TMEM255A: variants seen among roughly 807,000 people sequenced by gnomAD.
TMEM255A encodes the protein family with sequence similarity 70, member A.
Under a neutral mutation model 23.5 loss-of-function variants are expected in TMEM255A, and 14 were observed. The observed-to-expected ratio is 0.60, with a 90% confidence interval of 0.39 to 0.93. TMEM255A has a LOEUF of 0.93. Among genes scored for constraint, TMEM255A ranks in the 40% least tolerant of loss-of-function variants. TMEM255A has a pLI of 0.00. For synonymous variants in TMEM255A, 104 were observed against 100.3 expected, an observed-to-expected ratio of 1.04 and a Z score of -0.22; for missense variants, 233 against 261.7, an observed-to-expected ratio of 0.89 and a Z score of 0.76.
chrX:120,302,987 T>C (rs1475644557), intron 2 of TMEM255A, among the ~76,000 whole-genome samples: 3 of 111,765 alleles, frequency 2.7e-5, no homozygotes, highest in Non-Finnish European at 5.6e-5. Flanking sequence ...TTTGCTGTAC[T>C]AAAATATTTC....
At chrX:120,289,279 C>T (rs1246779866) in intron 4 of TMEM255A, among the ~76,000 whole-genome samples, 1 of 111,986 alleles carries the variant, frequency 8.9e-6, no homozygotes, top group Non-Finnish European at 1.9e-5. Context: ...CCCCCAAATA[C>T]TTGAGTCAAA....
rs1287204605 is a variant in TMEM255A at position 120,259,987 on chromosome X, T to C, written c.*883A>G. ...GGGGTTAAGCACAATATTTGAAGAT[T>C]AAATAGTCACAAAGATTAGTAACAA... On this transcript the variant is annotated 3_prime_UTR_variant, in exon 9 of 9. Coordinates refer to ENST00000371369, the MANE Select transcript of TMEM255A (RefSeq NM_001104544.3). 3.5e-6 allele frequency: 1 copy of C among 282,820 alleles called. No homozygotes were observed. The highest frequency in any genetic ancestry group is 4.8e-6 in the Non-Finnish European group (1 of 209,864). 23.3% of individuals were successfully genotyped at this position (282,820 alleles called of 1,213,427 possible).
chrX:120,268,064 T>C (rs782149612), intron 8 of TMEM255A, among the ~76,000 whole-genome samples, 180 bp downstream of exon 8: 239 of 111,566 alleles, frequency 2.1e-3, no homozygotes, highest in Non-Finnish European at 3.0e-3. Flanking sequence ...TCTGCCATCG[T>C]TGCCTGCCTA....
chrX:120,294,110 C>A, intron 2 of TMEM255A, 59 bp from the exon 3 acceptor site: 4 of 893,408 alleles, frequency 4.5e-6, no homozygotes, highest in Non-Finnish European at 6.4e-6. Flanking sequence ...ACCACACAAT[C>A]ATTCCAGCCC....
At chrX:120,257,795 C>G (rs1460999923), downstream of TMEM255A, 1 of 122,966 alleles carries the variant, frequency 8.1e-6, no homozygotes, top group East Asian at 2.8e-4. Flanking sequence ...GATTGGAAAT[C>G]TGTAGCAAGA....
In TMEM255A at chrX:120,304,427, C is replaced by T. The variant is rs1317641754; in HGVS notation, c.123G>A (p.Val41=). The T allele has an allele frequency of 1.7e-6, 2 of 1,210,548 alleles. No homozygotes were observed. Among genetic ancestry groups the T allele is most frequent in the African/African-American group, 1.7e-5 (1 of 57,745 alleles). The part of the protein sequence containing the change: ...YVTVTLLIVS[V]LILTVGLAAT... The stretch of plus-strand genomic sequence containing the variant: ...CAGCAAGGCCCACTGTGAGAATTAA[C>T]ACGGACACAATAAGCAAAGTCACGG... The change falls in exon 2 of 9, where the codon GTG becomes GTA. Residue 41 remains valine, a synonymous_variant. Transcript: ENST00000371369.
At chrX:120,305,719 G>A (rs1377118547) in intron 1 of TMEM255A, among the ~76,000 whole-genome samples, 1 of 110,956 alleles carries the variant, frequency 9.0e-6, no homozygotes, top group African/African-American at 3.3e-5. Flanking sequence ...GAAGGGGGAC[G>A]AGGTCAAGGA....
At chrX:120,268,409 A>C (rs41300936) in intron 7 of TMEM255A, 22 bp from the exon 8 acceptor site, 490,671 of 1,161,211 alleles carry the variant, frequency 0.42, 71,596 homozygotes, top group East Asian at 0.56. Flanking sequence ...CACAAATTAG[A>C]AACAACATAA....
At chrX:120,267,280 G>T (rs2057724158) in intron 8 of TMEM255A, among the ~76,000 whole-genome samples, 1 of 111,964 alleles carries the variant, frequency 8.9e-6, no homozygotes, top group Non-Finnish European at 1.9e-5. Context: ...TTGAAATTAG[G>T]TTGCCCAAGG....
chrX:120,301,410 G>A (rs1205165630), intron 2 of TMEM255A, among the ~76,000 whole-genome samples: 1 of 112,078 alleles, frequency 8.9e-6, no homozygotes, highest in Non-Finnish European at 1.9e-5. Context: ...TAAATAAGCT[G>A]AAACTTTTTC....
At chrX:120,265,448 G>T (rs782672330) in intron 8 of TMEM255A, among the ~76,000 whole-genome samples, 3 of 112,232 alleles carry the variant, frequency 2.7e-5, no homozygotes, top group Admixed American at 9.4e-5. Flanking sequence ...AGGAATGCAT[G>T]AAGGAAGGGA....
In TMEM255A at chrX:120,306,788, T is replaced by C. The variant is rs782131030; in HGVS notation, c.59-2297A>G. ...ACAGCTCTTGGGTCTTCTTTGCAAA[T>C]ATCACTCTAACTTTTAAAAGCGCAG... On this transcript the variant is annotated intron_variant, in intron 1 of 8. Transcript: ENST00000371369. 1.4e-4 allele frequency among the ~76,000 whole-genome samples: 16 copies of C among 112,215 alleles called. No homozygotes were observed. The South Asian group carries it at 2.2e-3, about 16-fold the overall frequency.
intron 7 of TMEM255A, among the ~76,000 whole-genome samples, chrX:120,275,191 G>A (rs782306265): frequency 7.1e-5 from 8 of 112,191 alleles, no homozygotes; most frequent in Non-Finnish European, 1.5e-4. Flanking sequence ...TCCCTCCTGG[G>A]GCTCCACCTT....
At chrX:120,271,106 C>T (rs1379325793) in intron 7 of TMEM255A, among the ~76,000 whole-genome samples, 1 of 111,460 alleles carries the variant, frequency 9.0e-6, no homozygotes, top group Non-Finnish European at 1.9e-5. Flanking sequence ...TGATAATGCT[C>T]GGTACTTCCC....
intron 6 of TMEM255A, among the ~76,000 whole-genome samples, 167 bp downstream of exon 6, chrX:120,284,960 T>A (rs782444353): frequency 8.9e-6 from 1 of 112,343 alleles, no homozygotes; most frequent in Non-Finnish European, 1.9e-5. Flanking sequence ...GTACCTAGCA[T>A]GATGCCTGGC....
At chrX:120,275,049 C>G (rs2057786903) in intron 7 of TMEM255A, among the ~76,000 whole-genome samples, 1 of 112,670 alleles carries the variant, frequency 8.9e-6, no homozygotes, top group African/African-American at 3.2e-5. Flanking sequence ...GTACTTTCAT[C>G]TGCCCCCTGG....
intron 2 of TMEM255A, among the ~76,000 whole-genome samples, chrX:120,301,110 G>A (rs782549159): frequency 9.0e-6 from 1 of 111,195 alleles, no homozygotes; most frequent in South Asian, 3.8e-4. Context: ...CTCTTAGAAC[G>A]ATGATACCAC....
At chrX:120,291,171 G>A (rs1556022836) in intron 4 of TMEM255A, 80 bp downstream of exon 4, 1 of 782,414 alleles carries the variant, frequency 1.3e-6, no homozygotes, top group East Asian at 3.4e-5. Flanking sequence ...ACTAAGCAAA[G>A]GACTGAACAT....
intron 1 of TMEM255A, among the ~76,000 whole-genome samples, chrX:120,310,686 C>G (rs12843147): frequency 1.6e-5 from 1 of 63,413 alleles, no homozygotes; most frequent in Admixed American, 1.9e-4. Context: ...CTCATCCCCC[C>G]CTTTCTTCTC....
Sources: allele counts gnomAD v4.1 joint callset (sites outside exome capture counted in the v4.1 genomes callset), GRCh38; gene constraint gnomAD v4.1.1; transcripts MANE v1.5; gene names NCBI Gene and HGNC (gene_info 2026-07-23, HGNC 2026-07-21).